SNX29: variants seen among roughly 807,000 people sequenced by gnomAD.
SNX29 encodes the protein sorting nexin 29.
Under a neutral mutation model 102.1 loss-of-function variants are expected in SNX29, and 78 were observed. The ratio of observed to expected loss-of-function variants is 0.76; its 90% CI spans 0.64 to 0.92. The LOEUF is 0.92. SNX29 is among the 40% of genes least tolerant of loss of function. The pLI is 0.00. For synonymous variants in SNX29, 580 were observed against 414.5 expected (o/e 1.40, Z -4.85); for missense variants, 1,280 against 1,061.7 (o/e 1.21, Z -2.86).
chr16:12,028,492 T>A (rs892978830), intron 4 of SNX29, among the ~76,000 whole-genome samples: 2 of 151,952 alleles, frequency 1.3e-5, no homozygotes, highest in African/African-American at 4.8e-5. Flanking sequence ...GCCTCTGAAA[T>A]AGCTAGGATT....
At chr16:11,989,861 A>G (rs2055779246) in intron 1 of SNX29, among the ~76,000 whole-genome samples, 1 of 152,198 alleles carries the variant, frequency 6.6e-6, no homozygotes. Flanking sequence ...GGCTTCTCTG[A>G]GAAGGGAACG....
At chr16:12,425,549 A>G (rs1025611489) in intron 18 of SNX29, among the ~76,000 whole-genome samples, 2 of 137,370 alleles carry the variant, frequency 1.5e-5, no homozygotes, top group Admixed American at 7.8e-5. Context: ...AAAAAATAAA[A>G]AAAATAAAAA....
Position 12,384,017 on chromosome 16 carries a change from C to G in SNX29, c.1900-14429C>G, listed in dbSNP as rs760670066. Among the ~76,000 whole-genome samples, 42 of 152,168 alleles carry G rather than the reference C, an allele frequency of 2.8e-4. 1 individual carries two copies. The highest frequency in any genetic ancestry group is 7.9e-4 in the Admixed American group (12 of 15,284). Reference sequence around the variant, plus strand: ...TGTATTTCACTTAACATAGTGGCCTCCAGTTCCATCCATGTTGTTGCAAAT... The same window carrying G: ...TGTATTTCACTTAACATAGTGGCCTGCAGTTCCATCCATGTTGTTGCAAAT... On this transcript the variant is annotated intron_variant, in intron 16 of 20. Coordinates refer to ENST00000566228, the MANE Select transcript of SNX29 (RefSeq NM_032167.5).
At chr16:12,450,788 G>T (rs1304232721) in intron 18 of SNX29, among the ~76,000 whole-genome samples, 1 of 152,122 alleles carries the variant, frequency 6.6e-6, no homozygotes, top group African/African-American at 2.4e-5. Context: ...CAATCATTGT[G>T]GTGGCACTGG....
At chr16:12,201,368 T>C (rs1032344396) in intron 14 of SNX29, among the ~76,000 whole-genome samples, 2 of 152,260 alleles carry the variant, frequency 1.3e-5, no homozygotes, top group Admixed American at 1.3e-4. Flanking sequence ...GAATGAATAG[T>C]ATTTGTCTAG....
chr16:12,432,823 G>T (rs2085368308), intron 18 of SNX29, among the ~76,000 whole-genome samples: 2 of 152,216 alleles, frequency 1.3e-5, no homozygotes, highest in Admixed American at 6.5e-5. Context: ...TGAGAGGCTG[G>T]GTCTTGCAGC....
At chr16:12,548,497 T>A (rs1299990119) in intron 20 of SNX29, among the ~76,000 whole-genome samples, 1 of 152,212 alleles carries the variant, frequency 6.6e-6, no homozygotes, top group African/African-American at 2.4e-5. Context: ...TAGTCAGGGT[T>A]GTCTTGTCTG....
chr16:12,565,421 C>A (rs897260150), intron 20 of SNX29, among the ~76,000 whole-genome samples: 1 of 142,148 alleles, frequency 7.0e-6, no homozygotes, highest in Non-Finnish European at 1.5e-5. Flanking sequence ...AAATGAAGCC[C>A]ATCCTCCCGT....
chr16:12,541,903 A>C (rs1240911282), intron 20 of SNX29, among the ~76,000 whole-genome samples: 2 of 152,192 alleles, frequency 1.3e-5, no homozygotes, highest in South Asian at 2.1e-4. Context: ...GATGCAACAG[A>C]TGTTTTCCAC....
intron 19 of SNX29, among the ~76,000 whole-genome samples, chr16:12,520,951 T>G (rs2090075231): frequency 6.6e-6 from 1 of 152,080 alleles, no homozygotes; most frequent in Non-Finnish European, 1.5e-5. Flanking sequence ...GTAATCCCAG[T>G]ACTTTGGGAC....
In SNX29 at chr16:12,274,223, G is replaced by A. The variant is rs574055666; in HGVS notation, c.1679-3710G>A. On this transcript the variant is annotated intron_variant, in intron 14 of 20. Transcript: ENST00000566228. ...AATAATTTTTCTTCAGAATGTTGAA[G>A]AGGTTTCTTCATTGTTTTCTAGCTT... Among the ~76,000 whole-genome samples the A allele has an allele frequency of 7.9e-5, 12 of 152,322 alleles. No homozygotes were observed. In the South Asian group the frequency reaches 2.5e-3, roughly 32 times the overall value.
At chr16:12,214,185 T>C (rs921124874) in intron 14 of SNX29, among the ~76,000 whole-genome samples, 1 of 152,224 alleles carries the variant, frequency 6.6e-6, no homozygotes, top group African/African-American at 2.4e-5. Flanking sequence ...TGCCTGGAAA[T>C]ATCAAGTATC....
At chr16:12,551,500 G>A (rs983067832) in intron 20 of SNX29, among the ~76,000 whole-genome samples, 1 of 152,070 alleles carries the variant, frequency 6.6e-6, no homozygotes, top group Non-Finnish European at 1.5e-5. Flanking sequence ...TTAATCTTTG[G>A]GCCTCAGCAT....
intron 14 of SNX29, among the ~76,000 whole-genome samples, chr16:12,266,074 C>G (rs1224531853): frequency 3.3e-5 from 5 of 152,108 alleles, no homozygotes. Context: ...TAGGGAAAAA[C>G]AAATTGTGTT....
At chr16:12,539,294 A>C (rs1330014279) in intron 20 of SNX29, among the ~76,000 whole-genome samples, 1 of 151,156 alleles carries the variant, frequency 6.6e-6, no homozygotes, top group South Asian at 2.1e-4. Context: ...CCCCACCTCT[A>C]AGCCCTTGTC....
At chr16:12,183,615 C>T (rs760422787) in intron 13 of SNX29, among the ~76,000 whole-genome samples, 19 of 152,186 alleles carry the variant, frequency 1.2e-4, no homozygotes, top group Non-Finnish European at 2.6e-4. Flanking sequence ...TATTCTCCTA[C>T]ATTACCCCAT....
chr16:12,542,034 TTTAA>T (rs1278825987), intron 20 of SNX29, among the ~76,000 whole-genome samples: 1 of 152,152 alleles, frequency 6.6e-6, no homozygotes, highest in Non-Finnish European at 1.5e-5. Flanking sequence ...TTTTTCTTTT[TTTAA>T]TTAGTTTGGC....
chr16:12,486,953 T>A (rs1321951098), intron 19 of SNX29, among the ~76,000 whole-genome samples: 1 of 152,196 alleles, frequency 6.6e-6, no homozygotes, highest in East Asian at 1.9e-4. Flanking sequence ...TTACCAACTC[T>A]ATAAGTAAGA....
At chr16:12,278,262 A>T (rs1301701877) in intron 15 of SNX29, among the ~76,000 whole-genome samples, 1 of 152,236 alleles carries the variant, frequency 6.6e-6, no homozygotes, top group Non-Finnish European at 1.5e-5. Flanking sequence ...CACTTATGAT[A>T]AGGACATAAG....
Sources: allele counts gnomAD v4.1 joint callset (sites outside exome capture counted in the v4.1 genomes callset), GRCh38; gene constraint gnomAD v4.1.1; transcripts MANE v1.5; gene names NCBI Gene and HGNC (gene_info 2026-07-23, HGNC 2026-07-21).